The following SEMA3D variants were observed in gnomAD, a reference collection of about 807,000 sequenced individuals.
The protein encoded by SEMA3D is semaphorin-3D.
Under a neutral mutation model 100.1 loss-of-function variants are expected in SEMA3D, and 84 were observed. The ratio of observed to expected loss-of-function variants is 0.84; its 90% CI spans 0.70 to 1.01. The LOEUF is 1.01. Among genes scored for constraint, SEMA3D ranks in the 50% least tolerant of loss-of-function variants. SEMA3D has a pLI of 0.00. For synonymous variants in SEMA3D, 312 were observed against 320.7 expected (o/e 0.97, Z 0.29); for missense variants, 875 against 934.1 (o/e 0.94, Z 0.82).
chr7:85,190,637 G>C (rs535095024), upstream of SEMA3D, among the ~76,000 whole-genome samples: 93 of 151,826 alleles, frequency 6.1e-4, no homozygotes, highest in East Asian at 6.2e-3. Flanking sequence ...TGTGTTTAAT[G>C]GTGGGGAAAA....
intron 17 of SEMA3D, among the ~76,000 whole-genome samples, chr7:85,011,920 G>A (rs1027729030): frequency 6.6e-6 from 1 of 151,640 alleles, no homozygotes; most frequent in East Asian, 1.9e-4. Context: ...TGATAAATGT[G>A]TTCTTCTTCC....
intron 2 of SEMA3D, among the ~76,000 whole-genome samples, chr7:85,137,508 C>T (rs776331418): frequency 9.9e-5 from 15 of 151,906 alleles, no homozygotes; most frequent in East Asian, 1.9e-4. Flanking sequence ...ATAATGTACA[C>T]GCTATTTTTT....
chr7:85,006,844 A>C lies in SEMA3D; in HGVS notation c.1866T>G (p.Ile622Met), dbSNP rs1584518801. ...CCCCTGACCTCTGGATATACCATTT[A>C]ATAGTTGCTTGTTGGGATTTAGGTA... The part of the protein sequence containing the change: ...ECIPKSQQAT[I>M]KWYIQRSGDE... The change falls in exon 18 of 19, where the codon ATT becomes ATG. Residue 622 changes from isoleucine (I) to methionine (M), a missense_variant. Physicochemically the swap from Ile to Met is conservative, Grantham distance 10. Transcript: ENST00000284136. The C allele has an allele frequency of 6.2e-7, 1 of 1,611,070 alleles. No individual in the cohort carries two copies. The highest frequency in any genetic ancestry group is 2.2e-5 in the East Asian group (1 of 44,746).
At chr7:85,101,357 A>AT (rs1189954813) in intron 3 of SEMA3D, among the ~76,000 whole-genome samples, 5 of 152,034 alleles carry the variant, frequency 3.3e-5, no homozygotes, top group African/African-American at 9.7e-5. Flanking sequence ...ATATTCAATT[A>AT]TTTTGAACCA....
chr7:85,060,280 G>A (rs1346100198), intron 8 of SEMA3D, among the ~76,000 whole-genome samples: 1 of 152,130 alleles, frequency 6.6e-6, no homozygotes, highest in Non-Finnish European at 1.5e-5. Flanking sequence ...GATTTAAATA[G>A]TAAGCATACT....
chr7:85,176,137 A>C (rs1791218962), intron 1 of SEMA3D, among the ~76,000 whole-genome samples: 1 of 152,150 alleles, frequency 6.6e-6, no homozygotes, highest in Non-Finnish European at 1.5e-5. Context: ...GTGCAAATTG[A>C]GTATGCATTT....
intron 4 of SEMA3D, 77 bp downstream of exon 4, chr7:85,097,728 C>T: frequency 6.3e-6 from 6 of 952,636 alleles, no homozygotes; most frequent in Non-Finnish European, 9.4e-6. Flanking sequence ...TCCCTTAAAA[C>T]AAAGCAAAAC....
At chr7:85,179,346 A>G (rs546518365) in intron 1 of SEMA3D, among the ~76,000 whole-genome samples, 2 of 152,192 alleles carry the variant, frequency 1.3e-5, no homozygotes, top group Non-Finnish European at 2.9e-5. Flanking sequence ...GTGGGGCTGT[A>G]CCTTGCAAAG....
chr7:85,210,173 G>C, the SEMA3D span, among the ~76,000 whole-genome samples: 1 of 152,056 alleles, frequency 6.6e-6, no homozygotes, highest in Non-Finnish European at 1.5e-5. Context: ...TGCTAATTAA[G>C]TAAAACCATT....
intron 2 of SEMA3D, among the ~76,000 whole-genome samples, chr7:85,152,088 T>C (rs941002700): frequency 2.6e-5 from 4 of 152,122 alleles, no homozygotes; most frequent in Non-Finnish European, 5.9e-5. Flanking sequence ...TATCTCTTCC[T>C]TGTCTTGTTT....
the SEMA3D span, among the ~76,000 whole-genome samples, chr7:85,234,511 T>C: frequency 6.6e-6 from 1 of 152,174 alleles, no homozygotes; most frequent in Non-Finnish European, 1.5e-5. Context: ...GTACTGGAGT[T>C]GCTCACCAGC....
chr7:85,229,727 A>G, the SEMA3D span, among the ~76,000 whole-genome samples: 9 of 152,096 alleles, frequency 5.9e-5, no homozygotes, highest in African/African-American at 9.7e-5. Context: ...CACATTTTGC[A>G]TATTTTGCAT....
At chr7:85,096,997 A>C (rs141820777) in intron 4 of SEMA3D, among the ~76,000 whole-genome samples, 4 of 151,978 alleles carry the variant, frequency 2.6e-5, no homozygotes, top group Non-Finnish European at 5.9e-5. Flanking sequence ...AAAAGACAAT[A>C]GAAGATGTTT....
chr7:85,188,419 ATTTT>A (rs1003828125), upstream of SEMA3D, among the ~76,000 whole-genome samples: 1 of 151,512 alleles, frequency 6.6e-6, no homozygotes, highest in Non-Finnish European at 1.5e-5. Flanking sequence ...AGCAACTTTT[ATTTT>A]TTTTCTGAAT....
intron 1 of SEMA3D, among the ~76,000 whole-genome samples, chr7:85,181,113 T>C (rs1346376981): frequency 6.6e-6 from 1 of 152,328 alleles, no homozygotes; most frequent in East Asian, 1.9e-4. Context: ...CCACTGTTGA[T>C]ATTGACCTTG....
At chr7:85,213,645 C>T in the SEMA3D span, among the ~76,000 whole-genome samples, 1 of 150,942 alleles carries the variant, frequency 6.6e-6, no homozygotes, top group East Asian at 1.9e-4. Context: ...GAATTCTCTT[C>T]AGTTCTGTGT....
intron 12 of SEMA3D, among the ~76,000 whole-genome samples, chr7:85,023,592 C>A (rs1055344785): frequency 6.6e-6 from 1 of 151,640 alleles, no homozygotes; most frequent in Non-Finnish European, 1.5e-5. Context: ...TGGTGCTTTT[C>A]TTTGTTTCAG....
At chr7:85,091,667 C>T (rs957748945) in intron 4 of SEMA3D, among the ~76,000 whole-genome samples, 1 of 151,996 alleles carries the variant, frequency 6.6e-6, no homozygotes, top group African/African-American at 2.4e-5. Flanking sequence ...CTGACAGTTA[C>T]TATGTCGTTT....
chr7:85,232,481 G>A, the SEMA3D span, among the ~76,000 whole-genome samples: 3 of 152,160 alleles, frequency 2.0e-5, no homozygotes, highest in African/African-American at 7.2e-5. Flanking sequence ...GAAAATCTTA[G>A]TATTTATGCT....
Sources: gnomAD v4.1 joint callset for allele counts (sites outside exome capture counted in the v4.1 genomes callset) on GRCh38, gnomAD v4.1.1 for gene constraint, MANE v1.5 for transcripts, NCBI Gene and HGNC (gene_info 2026-07-23, HGNC 2026-07-21) for gene names.